PLAGL1: variants seen among roughly 807,000 people sequenced by gnomAD.
The protein encoded by PLAGL1 is zinc finger protein PLAGL1.
A neutral mutation model predicts 4.6 loss-of-function variants in PLAGL1; 1 was observed. That is an observed-to-expected ratio of 0.22 (90% CI 0.08 to 1.03). The LOEUF (loss-of-function observed/expected upper bound fraction) is 1.03. Among genes scored for constraint, PLAGL1 ranks in the 50% least tolerant of loss-of-function variants. PLAGL1 has a pLI of 0.58. For synonymous variants in PLAGL1, 240 were observed against 237.8 expected, an observed-to-expected ratio of 1.01 and a Z score of -0.08; for missense variants, 464 against 570.4, an observed-to-expected ratio of 0.81 and a Z score of 1.90.
At chr6:144,062,852 C>A (rs546364295) in intron 1 of PLAGL1, among the ~76,000 whole-genome samples, 1 of 152,182 alleles carries the variant, frequency 6.6e-6, no homozygotes, top group Non-Finnish European at 1.5e-5. Context: ...AAACATGCAG[C>A]CTTCAGACAG....
At chr6:144,038,140 G>A (rs1025962984) in intron 1 of PLAGL1, among the ~76,000 whole-genome samples, 1 of 152,186 alleles carries the variant, frequency 6.6e-6, no homozygotes, top group Non-Finnish European at 1.5e-5. Flanking sequence ...TGATGAAAGC[G>A]ATAAGCCTGC....
In PLAGL1 at chr6:144,004,306, T is replaced by A. The variant is rs1415289876; in HGVS notation, c.-584+3784A>T. 6.6e-6 allele frequency among the ~76,000 whole-genome samples: 1 copy of A among 152,186 alleles called. No individual in the cohort carries two copies. Among genetic ancestry groups the A allele is most frequent in the Non-Finnish European group, 1.5e-5 (1 of 68,030 alleles). Reference sequence around the variant, plus strand: ...AAGAGATTCTCCTGCCTCAGCCTCTTGACTGGCTGGAATTATAGACAGGAG... The same window carrying A: ...AAGAGATTCTCCTGCCTCAGCCTCTAGACTGGCTGGAATTATAGACAGGAG... On this transcript the variant is annotated intron_variant, in intron 1 of 7. Transcript: ENST00000674357. The surrounding 1 kb of genome is among the most constrained non-coding windows in gnomAD (Gnocchi z 4.2).
intron 1 of PLAGL1, chr6:144,037,771 A>G (rs1797363191): frequency 6.6e-6 from 1 of 152,204 alleles, no homozygotes; most frequent in Non-Finnish European, 1.5e-5. Flanking sequence ...ACTTTCACAA[A>G]AAAACCCAAA....
intron 1 of PLAGL1, among the ~76,000 whole-genome samples, chr6:143,988,168 G>A (rs549813184): frequency 6.6e-4 from 101 of 152,312 alleles, no homozygotes; most frequent in African/African-American, 2.2e-3. Context: ...CAGTCATCTG[G>A]TGGTGTACGG....
In PLAGL1 at chr6:143,972,537, T is replaced by G. The variant is rs1331773853; in HGVS notation, c.-543-3559A>C. Among the ~76,000 whole-genome samples the G allele has an allele frequency of 2.0e-5, 3 of 152,182 alleles. No homozygotes were observed. Among genetic ancestry groups the G allele is most frequent in the Non-Finnish European group, 4.4e-5 (3 of 68,020 alleles). On this transcript the variant is annotated intron_variant, in intron 2 of 7. Coordinates refer to ENST00000674357, the MANE Select transcript of PLAGL1 (RefSeq NM_001317162.2). The surrounding 1 kb of genome is among the most constrained non-coding windows in gnomAD (Gnocchi z 6.8). ...CGCTAATCTTGGTCTGCTAGCCAGT[T>G]TCTGTTTGACACACACTTCCAGTTA...
chr6:144,015,651 A>G lies in PLAGL1; in HGVS notation c.-150-46673T>C, dbSNP rs1239937916. Among the ~76,000 whole-genome samples the G allele has an allele frequency of 6.6e-6, 1 of 152,218 alleles. No individual in the cohort carries two copies. Among genetic ancestry groups the G allele is most frequent in the Non-Finnish European group, 1.5e-5 (1 of 68,038 alleles). On this transcript the variant is annotated intron_variant, in intron 1 of 3. Coordinates refer to the PLAGL1 transcript ENST00000437412. This position sits in a 1 kb window ranked among gnomAD's most constrained non-coding sequence, Gnocchi z 4.3. ...GACATTAAACATCATTTCCCCAATG[A>G]TTAATGCAAATCAAAACTACAGTGA...
intron 1 of PLAGL1, among the ~76,000 whole-genome samples, chr6:143,993,203 C>T (rs1365620481): frequency 6.6e-6 from 1 of 151,638 alleles, no homozygotes; most frequent in Non-Finnish European, 1.5e-5. Context: ...ACTCAGGAGG[C>T]TGGGGCAGGA....
In PLAGL1 at chr6:143,955,182, A is replaced by T. The variant is rs1467282701; in HGVS notation, c.-325+5287T>A. On this transcript the variant is annotated intron_variant, in intron 6 of 7. Coordinates refer to ENST00000674357, the MANE Select transcript of PLAGL1 (RefSeq NM_001317162.2). This position sits in a 1 kb window ranked among gnomAD's most constrained non-coding sequence, Gnocchi z 4.9. The stretch of plus-strand genomic sequence containing the variant: ...GTGACCATCTCTTGCTTGGGAGATC[A>T]AGAAAGGTGTCACAGAGAAGTAAAA... 2.6e-5 allele frequency among the ~76,000 whole-genome samples: 4 copies of T among 152,346 alleles called. No homozygotes were observed. Among genetic ancestry groups the T allele is most frequent in the East Asian group, 1.9e-4 (1 of 5,190 alleles).
intron 1 of PLAGL1, among the ~76,000 whole-genome samples, chr6:144,058,703 A>G (rs1310216026): frequency 6.6e-6 from 1 of 152,194 alleles, no homozygotes; most frequent in African/African-American, 2.4e-5. Context: ...ATTTTCATGC[A>G]AGTCTGAAAC....
chr6:144,042,358 A>G (rs200207313), intron 1 of PLAGL1, among the ~76,000 whole-genome samples: 1 of 152,188 alleles, frequency 6.6e-6, no homozygotes, highest in African/African-American at 2.4e-5. Context: ...GCATAAGGTG[A>G]AAGGAAGGGA....
In PLAGL1 at chr6:144,004,217, T is replaced by C. The variant is rs1434860358; in HGVS notation, c.-584+3873A>G. Among the ~76,000 whole-genome samples the C allele has an allele frequency of 6.6e-6, 1 of 151,924 alleles. No individual in the cohort carries two copies. The highest frequency in any genetic ancestry group is 2.4e-5 in the African/African-American group (1 of 41,354). On this transcript the variant is annotated intron_variant, in intron 1 of 7. Transcript: ENST00000674357. This position sits in a 1 kb window ranked among gnomAD's most constrained non-coding sequence, Gnocchi z 4.2. ...TTTTTTTAAGATGGGGTCATCTCAC[T>C]GTCACCCAGGCTGCAGTGCAGTGGC...
At chr6:144,017,124 A>T (rs1795618475) in intron 1 of PLAGL1, among the ~76,000 whole-genome samples, 1 of 152,214 alleles carries the variant, frequency 6.6e-6, no homozygotes, top group Non-Finnish European at 1.5e-5. Context: ...AACTCAACAG[A>T]TATTCAACAA....
In PLAGL1 at chr6:143,973,669, C is replaced by T. The variant is rs1003352595; in HGVS notation, c.-543-4691G>A. Among the ~76,000 whole-genome samples the T allele has an allele frequency of 3.9e-5, 6 of 152,188 alleles. No individual in the cohort carries two copies. Among genetic ancestry groups the T allele is most frequent in the East Asian group, 1.9e-4 (1 of 5,198 alleles). ...ACTATATGGAAACTTTATTCTCAAT[C>T]GAATGGTTCGTTCTAATAGCCAGAG... On this transcript the variant is annotated intron_variant, in intron 2 of 7. Transcript: ENST00000674357. This position sits in a 1 kb window ranked among gnomAD's most constrained non-coding sequence, Gnocchi z 6.2.
intron 1 of PLAGL1, among the ~76,000 whole-genome samples, chr6:144,029,405 T>A (rs931545357): frequency 6.6e-5 from 10 of 152,080 alleles, no homozygotes; most frequent in African/African-American, 1.9e-4. Context: ...TGATTCACAA[T>A]AAAGGGCTAA....
In PLAGL1 at chr6:143,945,531, A is replaced by G. The variant is rs1314310292; in HGVS notation, c.152+2454T>C. On this transcript the variant is annotated intron_variant, in intron 7 of 7. Coordinates refer to ENST00000674357, the MANE Select transcript of PLAGL1 (RefSeq NM_001317162.2). The surrounding 1 kb of genome is among the most constrained non-coding windows in gnomAD (Gnocchi z 4.2). Reference sequence around the variant, plus strand: ...CCACCCTGTCACCAGGCTGAAGTGCAGTGGCTCGATGTCAGCTCACTGCAA... The same window carrying G: ...CCACCCTGTCACCAGGCTGAAGTGCGGTGGCTCGATGTCAGCTCACTGCAA... 6.6e-6 allele frequency among the ~76,000 whole-genome samples: 1 copy of G among 152,226 alleles called. No homozygotes were observed. Among genetic ancestry groups the G allele is most frequent in the Non-Finnish European group, 1.5e-5 (1 of 68,040 alleles).
At chr6:144,014,931 A>T (rs949761058) in intron 1 of PLAGL1, among the ~76,000 whole-genome samples, 9 of 152,160 alleles carry the variant, frequency 5.9e-5, no homozygotes, top group African/African-American at 1.2e-4. Context: ...TTGGAAAGAG[A>T]TAAATGGTGT....
chr6:143,979,128 A>G lies in PLAGL1; in HGVS notation c.-544+6007T>C, dbSNP rs1396192340. On this transcript the variant is annotated intron_variant, in intron 2 of 7. Transcript: ENST00000674357. This position sits in a 1 kb window ranked among gnomAD's most constrained non-coding sequence, Gnocchi z 4.6. ...TTTTAAAAAATCAGTGCTAAAAATG[A>G]TATTTTTTTCATCCGTTAGCTTATA... 1.3e-5 allele frequency among the ~76,000 whole-genome samples: 2 copies of G among 152,148 alleles called. No individual in the cohort carries two copies. Among genetic ancestry groups the G allele is most frequent in the East Asian group, 3.8e-4 (2 of 5,208 alleles).
At position 143,984,910 on chromosome 6, in the gene PLAGL1, A is replaced by C. The variant is rs1244740529; in HGVS notation, c.-544+225T>G. 6.6e-6 allele frequency among the ~76,000 whole-genome samples: 1 copy of C among 152,168 alleles called. No individual in the cohort carries two copies. Among genetic ancestry groups the C allele is most frequent in the Admixed American group, 6.6e-5 (1 of 15,254 alleles). On this transcript the variant is annotated intron_variant, in intron 2 of 7. Coordinates refer to ENST00000674357, the MANE Select transcript of PLAGL1 (RefSeq NM_001317162.2). This position sits in a 1 kb window ranked among gnomAD's most constrained non-coding sequence, Gnocchi z 5.5. ...GATAAGAAGTCACTATAAGGAAACA[A>C]ATGCCCCTAGGCCAAGACATGTACT...
At chr6:143,956,780 G>C (rs1782238537) in intron 6 of PLAGL1, among the ~76,000 whole-genome samples, 1 of 152,232 alleles carries the variant, frequency 6.6e-6, no homozygotes. Flanking sequence ...AGAAGCTATG[G>C]AAAAGGCAAA....
Sources: gnomAD v4.1 joint callset for allele counts (sites outside exome capture counted in the v4.1 genomes callset) on GRCh38, gnomAD v4.1.1 for gene constraint, Gnocchi (gnomAD v3.1) non-coding constraint, MANE v1.5 for transcripts, NCBI Gene and HGNC (gene_info 2026-07-23, HGNC 2026-07-21) for gene names.